PDPR: variants seen among roughly 807,000 people sequenced by gnomAD.
The protein encoded by PDPR is pyruvate dehydrogenase phosphatase regulatory subunit, mitochondrial.
Under a neutral mutation model 102.2 loss-of-function variants are expected in PDPR, and 50 were observed. The observed-to-expected ratio is 0.49, with a 90% CI of 0.39 to 0.62. PDPR has a LOEUF of 0.62. Among genes scored for constraint, PDPR ranks in the 20% least tolerant of loss-of-function variants. The probability of loss-of-function intolerance (pLI) is 0.00; values close to 1 mark genes in which losing one functional copy is unlikely to be tolerated. For missense variants in PDPR, 625 were observed against 1,098.2 expected (o/e 0.57, Z 6.09); for synonymous variants, 259 against 406.0 (o/e 0.64, Z 4.35).
rs1966844406 is a variant in PDPR at position 70,153,323 on chromosome 16, C to T, written c.2053-68C>T. ...ATGTTAATAGTGTGAGCCATCAGCG[C>T]TTCCAGACATGCTCCATGCTTAATT... On this transcript the variant is annotated intron_variant, in intron 17 of 18. Transcript: ENST00000288050. 29 of 1,496,158 alleles carry T rather than the reference C, an allele frequency of 1.9e-5. No homozygotes were observed. The Middle Eastern group carries it at 1.1e-3, about 54-fold the overall frequency. The allele number at this position is 1,496,158 out of a possible 1,614,324, so 92.7% of individuals were successfully genotyped here.
chr16:70,126,947 C>T (rs563827560), intron 3 of PDPR, among the ~76,000 whole-genome samples: 232 of 152,304 alleles, frequency 1.5e-3, no homozygotes, highest in African/African-American at 5.1e-3. Flanking sequence ...TGAACTCAAG[C>T]GCTCCTCTGG....
intron 10 of PDPR, among the ~76,000 whole-genome samples, chr16:70,136,814 G>C (rs568691553): frequency 5.8e-4 from 89 of 152,244 alleles, no homozygotes; most frequent in Non-Finnish European, 7.9e-4. Flanking sequence ...ATGATCTCAG[G>C]TCACTGCAAC....
chr16:70,141,184 G>T (rs1257167449), intron 11 of PDPR, among the ~76,000 whole-genome samples: 1 of 152,208 alleles, frequency 6.6e-6, no homozygotes, highest in South Asian at 2.1e-4. Context: ...CTCCCGAGTA[G>T]CTGGGATTAC....
At chr16:70,133,170 A>G (rs1284462011) in intron 9 of PDPR, among the ~76,000 whole-genome samples, 2 of 135,234 alleles carry the variant, frequency 1.5e-5, no homozygotes, top group South Asian at 4.9e-4. Flanking sequence ...GCTGGAGTGC[A>G]GTGGTGTGAT....
At chr16:70,130,575 T>G (rs1964441226) in intron 7 of PDPR, 31 bp downstream of exon 7, 1 of 1,612,170 alleles carries the variant, frequency 6.2e-7, no homozygotes, top group African/African-American at 1.3e-5. Flanking sequence ...CTGTTCTTAT[T>G]TAACGTTTGT....
intron 3 of PDPR, among the ~76,000 whole-genome samples, chr16:70,126,636 T>G (rs1964002022): frequency 6.6e-6 from 1 of 152,284 alleles, no homozygotes; most frequent in Admixed American, 6.5e-5. Flanking sequence ...GTGCTGGGAT[T>G]ACAGGCGTGA....
chr16:70,120,369 A>C (rs1354773957), intron 2 of PDPR, 92 bp from the exon 3 acceptor site: 1 of 717,060 alleles, frequency 1.4e-6, no homozygotes. Context: ...TATTTGCTGA[A>C]TGAATGGCTA....
intron 17 of PDPR, 48 bp downstream of exon 17, chr16:70,148,601 C>G: frequency 6.8e-7 from 1 of 1,469,462 alleles, no homozygotes; most frequent in Non-Finnish European, 9.4e-7. Flanking sequence ...CCTTCCCTTC[C>G]CTTCCCTTCC....
rs2152050942 is a variant in PDPR at position 70,114,749 on chromosome 16, G to C, written c.-142-72G>C. ...GGCCGGGGTGACCTCGGGCTCCCCCGTCTCGGGCTTGCACACCCCTGCGGC... is the reference window on the plus strand; with the variant it reads ...GGCCGGGGTGACCTCGGGCTCCCCCCTCTCGGGCTTGCACACCCCTGCGGC... On this transcript the variant is annotated intron_variant, in intron 1 of 18. Transcript: ENST00000288050. 1.3e-5 allele frequency: 2 copies of C among 152,510 alleles called. 1 individual carries two copies. The highest frequency in any genetic ancestry group is 4.1e-4 in the South Asian group (2 of 4,832). 9.4% of individuals were successfully genotyped at this position (152,510 alleles called of 1,614,324 possible).
chr16:70,118,825 A>C (rs1157602326), intron 2 of PDPR, among the ~76,000 whole-genome samples: 3 of 152,188 alleles, frequency 2.0e-5, no homozygotes, highest in Non-Finnish European at 2.9e-5. Flanking sequence ...CAAGGTGGCC[A>C]AGACAATTTG....
At chr16:70,144,695 A>G (rs2549569) in intron 15 of PDPR, among the ~76,000 whole-genome samples, 162 bp downstream of exon 15, 28 of 152,346 alleles carry the variant, frequency 1.8e-4, no homozygotes, top group South Asian at 1.2e-3. Context: ...GGTGGCTGAC[A>G]CCTGTAATCC....
intron 9 of PDPR, among the ~76,000 whole-genome samples, chr16:70,133,597 T>C (rs573666566): frequency 1.3e-5 from 2 of 152,082 alleles, no homozygotes; most frequent in South Asian, 4.1e-4. Flanking sequence ...TATGTATTTT[T>C]AGTAGAGACA....
Position 70,159,871 on chromosome 16 carries a change from G to A in PDPR, c.*2992G>A, listed in dbSNP as rs899403752. The A allele has an allele frequency of 9.1e-5, 14 of 153,068 alleles. No homozygotes were observed. Among genetic ancestry groups the A allele is most frequent in the African/African-American group, 3.1e-4 (13 of 41,608 alleles). The allele number at this position is 153,068 out of a possible 1,614,324, so 9.5% of individuals were successfully genotyped here. On this transcript the variant is annotated 3_prime_UTR_variant, in exon 19 of 19. Transcript: ENST00000288050. ...TCCTCATCCATGTGTCATTTCCAAG[G>A]GTTTGCCTTGTGTCTCAGCTCATTC...
chr16:70,117,273 G>GGGA (rs1318697884), intron 2 of PDPR, among the ~76,000 whole-genome samples: 1 of 126,356 alleles, frequency 7.9e-6, no homozygotes. Context: ...CCAGCACTTT[G>GGGA]GGAGGCCAAG....
intron 3 of PDPR, among the ~76,000 whole-genome samples, chr16:70,122,895 T>C (rs4587964): frequency 0.1 from 13,058 of 131,114 alleles, no homozygotes; most frequent in Non-Finnish European, 0.1. Context: ...ATTTCTATTT[T>C]ATGCAGTGGA....
At chr16:70,115,931 T>C (rs1962593127) in intron 2 of PDPR, among the ~76,000 whole-genome samples, 1 of 152,158 alleles carries the variant, frequency 6.6e-6, no homozygotes, top group Non-Finnish European at 1.5e-5. Flanking sequence ...GCCAACCTTA[T>C]AGGTTTAGGT....
Position 70,128,764 on chromosome 16 carries a change from T to A in PDPR, c.362-20T>A. ...TACATTTGGTCTGATCTGTCTCATTTGGGCTCATTTTTCTTACAGGTTACA... is the reference window on the plus strand; with the variant it reads ...TACATTTGGTCTGATCTGTCTCATTAGGGCTCATTTTTCTTACAGGTTACA... On this transcript the variant is annotated intron_variant, in intron 4 of 18. Transcript: ENST00000288050. The A allele has an allele frequency of 6.2e-7, 1 of 1,613,534 alleles. No individual in the cohort carries two copies. Among genetic ancestry groups the A allele is most frequent in the Non-Finnish European group, 8.5e-7 (1 of 1,179,648 alleles).
intron 17 of PDPR, among the ~76,000 whole-genome samples, chr16:70,152,700 A>G (rs1224387038): frequency 6.6e-6 from 1 of 152,286 alleles, no homozygotes; most frequent in Non-Finnish European, 1.5e-5. Flanking sequence ...AAAAGCAAAC[A>G]GTGTAGTCTC....
rs1219042618 is a variant in PDPR, at chr16:70,158,626, C to G, written c.*1747C>G. 1.3e-5 allele frequency: 2 copies of G among 152,656 alleles called. No individual in the cohort carries two copies. The highest frequency in any genetic ancestry group is 2.9e-5 in the Non-Finnish European group (2 of 68,338). 9.5% of individuals were successfully genotyped at this position (152,656 alleles called of 1,614,324 possible). On this transcript the variant is annotated 3_prime_UTR_variant, in exon 19 of 19. Coordinates refer to ENST00000288050, the MANE Select transcript of PDPR (RefSeq NM_017990.5). Reference sequence around the variant, plus strand: ...TATGATTAGAATTCTGTTTGGGGGTCTAGTTGTCTTGGAGCAAGTATGTAC... The same window carrying G: ...TATGATTAGAATTCTGTTTGGGGGTGTAGTTGTCTTGGAGCAAGTATGTAC...
Sources: gnomAD v4.1 joint callset for allele counts (sites outside exome capture counted in the v4.1 genomes callset) on GRCh38, gnomAD v4.1.1 for gene constraint, MANE v1.5 for transcripts, NCBI Gene and HGNC (gene_info 2026-07-23, HGNC 2026-07-21) for gene names.